PMP22: variants seen among roughly 807,000 people sequenced by gnomAD.
PMP22 encodes the protein Charcot-Marie-Tooth neuropathy 1A (greatly reduced nerve conduction velocity, hereditary motor sensory neuropathy Ia).
PMP22 carries 2 observed loss-of-function variants against 18.9 expected under a neutral mutation model. The observed-to-expected ratio is 0.11, with a 90% CI of 0.04 to 0.33. The LOEUF is 0.33. Ranked by LOEUF, PMP22 falls within the 10% of genes least tolerant of loss-of-function variation. The probability of loss-of-function intolerance (pLI) is 1.00; values close to 1 mark genes in which losing one functional copy is unlikely to be tolerated. For synonymous variants in PMP22, 95 were observed against 89.2 expected (o/e 1.07, Z -0.37); for missense variants, 169 against 202.2 (o/e 0.84, Z 1.00).
chr17:15,238,320 A>C (rs2150674826), intron 4 of PMP22, among the ~76,000 whole-genome samples: 1 of 152,322 alleles, frequency 6.6e-6, no homozygotes, highest in South Asian at 2.1e-4. Flanking sequence ...GGTCACCAAC[A>C]TCTAACCTTG....
At position 15,260,735 on chromosome 17, in the gene PMP22, G is replaced by T. The variant is rs1389345226; in HGVS notation, c.-8C>A. 1.9e-6 allele frequency: 3 copies of T among 1,551,558 alleles called. No individual in the cohort carries two copies. ...CAGCAACAGGAGGAGCATTCTGGCG[G>T]CAAGTTCTGCTCAGCGGAGTTTCTG... On this transcript the variant is annotated 5_prime_UTR_variant, in exon 2 of 5. Transcript: ENST00000312280.
At chr17:15,246,454 A>C (rs1234232432) in intron 3 of PMP22, among the ~76,000 whole-genome samples, 1 of 152,256 alleles carries the variant, frequency 6.6e-6, no homozygotes, top group East Asian at 1.9e-4. Flanking sequence ...ACAGAAAATA[A>C]TGATTCGAGT....
In PMP22 at chr17:15,258,973, C is replaced by A; in HGVS notation, c.178+121G>T. The A allele has an allele frequency of 3.9e-6, 3 of 772,018 alleles. No individual in the cohort carries two copies. The highest frequency in any genetic ancestry group is 6.8e-6 in the Non-Finnish European group (3 of 439,680). 47.8% of individuals were successfully genotyped at this position (772,018 alleles called of 1,614,324 possible). On this transcript the variant is annotated intron_variant, in intron 3 of 4. Transcript: ENST00000312280. The surrounding 1 kb of genome is among the most constrained non-coding windows in gnomAD (Gnocchi z 4.1). The stretch of plus-strand genomic sequence containing the variant: ...TGGACTCATGGCTCCCTGTCACATC[C>A]CACCCCACCCCAGCAACGACATTCT...
chr17:15,259,316 CT>C (rs1487040855), intron 2 of PMP22, 123 bp from the exon 3 acceptor site: 4 of 768,486 alleles, frequency 5.2e-6, no homozygotes, highest in Middle Eastern at 2.3e-4. Context: ...CCGCCCACCC[CT>C]GCATGGTAAG....
intron 1 of PMP22, 80 bp from the exon 2 acceptor site, chr17:15,260,841 A>G: frequency 9.9e-7 from 1 of 1,010,256 alleles, no homozygotes; most frequent in Non-Finnish European, 1.5e-6. Flanking sequence ...GGTCCCGCGC[A>G]CTAGCGGAAG....
intron 2 of PMP22, chr17:15,260,390 A>T: frequency 1.8e-6 from 1 of 555,100 alleles, no homozygotes; most frequent in South Asian, 2.1e-5. Flanking sequence ...CGGGGACCCT[A>T]GATCGGCTCT....
intron 2 of PMP22, among the ~76,000 whole-genome samples, chr17:15,259,938 C>CAAAAAAAAAAA (rs61415317): frequency 1.0e-5 from 1 of 97,866 alleles, no homozygotes. Context: ...GACTCCATCT[C>CAAAAAAAAAAA]AAAAAAAAAA....
In PMP22 at chr17:15,239,617, G is replaced by A. The variant is rs1907135969; in HGVS notation, c.179-6C>T. On this transcript the variant is annotated splice_region_variant and splice_polypyrimidine_tract_variant and intron_variant, in intron 3 of 4. Transcript: ENST00000312280. The stretch of plus-strand genomic sequence containing the variant: ...CTGGACAGACTGCAGCCATTCTGGG[G>A]GAAAGAGACACTTGGTTAGGAGAGC... 1 of 1,613,676 alleles carries A rather than the reference G, an allele frequency of 6.2e-7. No individual in the cohort carries two copies. Among genetic ancestry groups the A allele is most frequent in the South Asian group, 1.1e-5 (1 of 91,068 alleles).
chr17:15,234,948 C>T (rs1356329115), intron 4 of PMP22, among the ~76,000 whole-genome samples: 1 of 152,120 alleles, frequency 6.6e-6, no homozygotes, highest in Non-Finnish European at 1.5e-5. Flanking sequence ...TCCTGAATAG[C>T]TGGGACCACA....
rs181261352 is a variant in PMP22, at chr17:15,258,991, G to A, written c.178+103C>T. 1.0e-3 allele frequency: 875 copies of A among 868,074 alleles called. 2 individuals carry two copies. Among genetic ancestry groups the A allele is most frequent in the Non-Finnish European group, 1.5e-3 (790 of 522,120 alleles). The allele number at this position is 868,074 out of a possible 1,614,324, so 53.8% of individuals were successfully genotyped here. A position where few individuals can be genotyped will look rare whatever the true frequency, so the allele number is the denominator to read the frequency against. On this transcript the variant is annotated intron_variant, in intron 3 of 4. Coordinates refer to ENST00000312280, the MANE Select transcript of PMP22 (RefSeq NM_000304.4). This position sits in a 1 kb window ranked among gnomAD's most constrained non-coding sequence, Gnocchi z 4.1. Reference sequence around the variant, plus strand: ...TCACATCCCACCCCACCCCAGCAACGACATTCTGGCTTGTGTCTTCCAATA... The same window carrying A: ...TCACATCCCACCCCACCCCAGCAACAACATTCTGGCTTGTGTCTTCCAATA...
At chr17:15,255,349 C>T (rs1377774106) in intron 3 of PMP22, among the ~76,000 whole-genome samples, 1 of 152,168 alleles carries the variant, frequency 6.6e-6, no homozygotes, top group East Asian at 1.9e-4. Context: ...GTGACCATGT[C>T]ACATTTCATT....
At chr17:15,255,013 G>A (rs1908704302) in intron 3 of PMP22, among the ~76,000 whole-genome samples, 1 of 152,158 alleles carries the variant, frequency 6.6e-6, no homozygotes, top group African/African-American at 2.4e-5. Context: ...AATAGAGAGA[G>A]AGAAGCCTCA....
intron 4 of PMP22, among the ~76,000 whole-genome samples, chr17:15,233,241 T>C (rs1362299158): frequency 6.6e-6 from 1 of 151,990 alleles, no homozygotes; most frequent in African/African-American, 2.4e-5. Context: ...GTGGCAAGGG[T>C]AAGTGAGGCC....
chr17:15,264,385 C>G lies in PMP22; in HGVS notation c.-35+769G>C, dbSNP rs530531757. On this transcript the variant is annotated intron_variant, in intron 1 of 4. Coordinates refer to ENST00000312280, the MANE Select transcript of PMP22 (RefSeq NM_000304.4). ...GTTAGATTTGCTCTAGAAATTATTA[C>G]TTTGTTTTATGCCATTTGGACATTT... Among the ~76,000 whole-genome samples the G allele has an allele frequency of 2.0e-3, 299 of 152,278 alleles. 2 individuals carry two copies. Among genetic ancestry groups the G allele is most frequent in the African/African-American group, 7.0e-3 (289 of 41,558 alleles).
At chr17:15,263,583 G>GCACACA (rs3028206) in intron 1 of PMP22, among the ~76,000 whole-genome samples, 5,156 of 150,002 alleles carry the variant, frequency 0.034, 152 homozygotes, top group African/African-American at 0.074. Flanking sequence ...GCACGCGCGC[G>GCACACA]CACACACACA....
At chr17:15,254,307 C>A (rs1207637436) in intron 3 of PMP22, among the ~76,000 whole-genome samples, 1 of 152,146 alleles carries the variant, frequency 6.6e-6, no homozygotes, top group Admixed American at 6.5e-5. Flanking sequence ...AGGGTTCAGG[C>A]AAACTAGTTA....
At chr17:15,235,971 G>A (rs1358777834) in intron 4 of PMP22, among the ~76,000 whole-genome samples, 2 of 151,736 alleles carry the variant, frequency 1.3e-5, no homozygotes, top group African/African-American at 2.4e-5. Context: ...TGTTGGCCGG[G>A]CTGGTCTTGA....
chr17:15,232,127 C>T (rs1047983705), intron 4 of PMP22, among the ~76,000 whole-genome samples: 4 of 151,968 alleles, frequency 2.6e-5, no homozygotes, highest in East Asian at 1.9e-4. Flanking sequence ...AATGCACCCG[C>T]GCCCCCCCAC....
At chr17:15,249,103 C>T (rs1908099118) in intron 3 of PMP22, among the ~76,000 whole-genome samples, 1 of 152,338 alleles carries the variant, frequency 6.6e-6, no homozygotes, top group Admixed American at 6.5e-5. Context: ...AAAAGAGCTG[C>T]TACCCCCACC....
Sources: gnomAD v4.1 joint callset for allele counts (sites outside exome capture counted in the v4.1 genomes callset) on GRCh38, gnomAD v4.1.1 for gene constraint, Gnocchi (gnomAD v3.1) non-coding constraint, MANE v1.5 for transcripts, NCBI Gene and HGNC (gene_info 2026-07-23, HGNC 2026-07-21) for gene names.